The following MKNK1 variants were observed in gnomAD, a reference collection of about 807,000 sequenced individuals.
The protein encoded by MKNK1 is MAP kinase-interacting serine/threonine-protein kinase 1.
A neutral mutation model predicts 49.3 loss-of-function variants in MKNK1; 30 were observed. The ratio of observed to expected loss-of-function variants is 0.61; its 90% CI spans 0.46 to 0.83. The LOEUF (loss-of-function observed/expected upper bound fraction) is 0.83. Among genes scored for constraint, MKNK1 ranks in the 40% least tolerant of loss-of-function variants. MKNK1 has a pLI of 0.00. For synonymous variants in MKNK1, 176 were observed against 201.7 expected, an observed-to-expected ratio of 0.87 and a Z score of 1.08; for missense variants, 423 against 524.7, an observed-to-expected ratio of 0.81 and a Z score of 1.89.
intron 2 of MKNK1, among the ~76,000 whole-genome samples, chr1:46,591,219 C>T (rs1393481609): frequency 3.3e-5 from 5 of 152,160 alleles, no homozygotes; most frequent in African/African-American, 1.2e-4. Context: ...CTGTCCATAG[C>T]GATACTGCAA....
At position 46,589,235 on chromosome 1, in the gene MKNK1, A is replaced by C. The variant is rs920124624; in HGVS notation, c.-3+4878T>G. The stretch of plus-strand genomic sequence containing the variant: ...GACAGGGAGGTACCAGGTGCTGTGG[A>C]GCAGGAGAGAGGAAGCTAACCCAGT... On this transcript the variant is annotated intron_variant, in intron 2 of 12. Coordinates refer to ENST00000371945, the MANE Select transcript of MKNK1 (RefSeq NM_001135553.4). The surrounding 1 kb of genome is among the most constrained non-coding windows in gnomAD (Gnocchi z 4.3). Among the ~76,000 whole-genome samples the C allele has an allele frequency of 7.2e-5, 11 of 152,348 alleles. No individual in the cohort carries two copies. The highest frequency in any genetic ancestry group is 2.4e-4 in the African/African-American group (10 of 41,584).
intron 5 of MKNK1, 52 bp from the exon 6 acceptor site, chr1:46,575,072 T>C (rs778115446): frequency 8.5e-7 from 1 of 1,176,738 alleles, no homozygotes; most frequent in East Asian, 2.4e-5. Context: ...TGGTATTATA[T>C]ATTAAAGTCT....
chr1:46,602,411 CA>C (rs1200331338), intron 1 of MKNK1, among the ~76,000 whole-genome samples: 4 of 149,430 alleles, frequency 2.7e-5, no homozygotes, highest in Non-Finnish European at 3.0e-5. Context: ...GACTCCATCT[CA>C]AAAAAAAAGG....
chr1:46,568,616 A>T (rs1669522018), intron 7 of MKNK1, 118 bp from the exon 8 acceptor site: 1 of 995,478 alleles, frequency 1.0e-6, no homozygotes, highest in African/African-American at 1.6e-5. Context: ...ATTATGGTAC[A>T]TTAAAAAATC....
At chr1:46,596,421 T>C (rs1289316138) in intron 1 of MKNK1, among the ~76,000 whole-genome samples, 2 of 152,246 alleles carry the variant, frequency 1.3e-5, no homozygotes, top group Admixed American at 6.5e-5. Flanking sequence ...GAGTCAAATA[T>C]GGCCTGTGGG....
At chr1:46,583,044 C>T in intron 3 of MKNK1, 184 bp downstream of exon 3, 1 of 685,286 alleles carries the variant, frequency 1.5e-6, no homozygotes, top group East Asian at 2.7e-5. Context: ...CTTTTTCCAT[C>T]CCTGCTCTCT....
In MKNK1 at chr1:46,559,154, A is replaced by T. The variant is rs7530017; in HGVS notation, c.1014-354T>A. Among the ~76,000 whole-genome samples, 1,005 of 152,298 alleles carry T rather than the reference A, an allele frequency of 6.6e-3. 10 individuals are homozygous for T. The highest frequency in any genetic ancestry group is 0.023 in the African/African-American group (944 of 41,564). ...CCTCCCTCTCCCAGCCTGCGTGGGG[A>T]AAAAGCTCCCAGAGCAAGGCCTGCG... is the stretch of plus-strand genomic sequence containing the variant. On this transcript the variant is annotated intron_variant, in intron 12 of 12. Coordinates refer to ENST00000371945, the MANE Select transcript of MKNK1 (RefSeq NM_001135553.4).
In MKNK1 at chr1:46,576,570, C is replaced by T. The variant is rs2148664762; in HGVS notation, c.278+5G>A. 6.2e-7 allele frequency: 1 copy of T among 1,612,214 alleles called. No individual in the cohort carries two copies. Among genetic ancestry groups the T allele is most frequent in the Non-Finnish European group, 8.5e-7 (1 of 1,178,286 alleles). ...GAGAAGCAGCGAGAATCACATGATA[C>T]TCACTTGTTTCCCTGACACTGATAC... On this transcript the variant is annotated splice_donor_5th_base_variant and intron_variant, in intron 5 of 12. Coordinates refer to ENST00000371945, the MANE Select transcript of MKNK1 (RefSeq NM_001135553.4).
chr1:46,574,792 C>A (rs1392695589), intron 6 of MKNK1, 155 bp downstream of exon 6: 3 of 582,604 alleles, frequency 5.1e-6, no homozygotes, highest in Non-Finnish European at 6.2e-6. Flanking sequence ...ATCATCCTTC[C>A]CTCCGGCCTC....
rs1168292350 is a variant in MKNK1 at position 46,585,226 on chromosome 1, G to A, written c.-2-1897C>T. Among the ~76,000 whole-genome samples, 5 of 100,158 alleles carry A rather than the reference G, an allele frequency of 5.0e-5. No homozygotes were observed. In the South Asian group the frequency reaches 1.5e-3, roughly 31 times the overall value. The allele number at this position is 100,158 out of a possible 152,430, so 65.7% of individuals were successfully genotyped here. A position where few individuals can be genotyped will look rare whatever the true frequency, so the allele number is the denominator to read the frequency against. The stretch of plus-strand genomic sequence containing the variant: ...GATCACGCCATTGCACTCCAGCCTG[G>A]GTGACAGAGCAAGATTCCGTCTCAA... On this transcript the variant is annotated intron_variant, in intron 2 of 12. Transcript: ENST00000371945.
At chr1:46,585,245 G>C (rs559407714) in intron 2 of MKNK1, among the ~76,000 whole-genome samples, 1 of 35,964 alleles carries the variant, frequency 2.8e-5, no homozygotes, top group African/African-American at 9.1e-5. Flanking sequence ...GCAAGATTCC[G>C]TCTCAAAAAA....
At chr1:46,590,527 T>C (rs1673180276) in intron 2 of MKNK1, among the ~76,000 whole-genome samples, 1 of 152,246 alleles carries the variant, frequency 6.6e-6, no homozygotes, top group Non-Finnish European at 1.5e-5. Flanking sequence ...ACAAAGAGAT[T>C]AAATGATTTG....
rs1453833949 is a variant in MKNK1, at chr1:46,589,119, A to G, written c.-3+4994T>C. On this transcript the variant is annotated intron_variant, in intron 2 of 12. Transcript: ENST00000371945. The surrounding 1 kb of genome is among the most constrained non-coding windows in gnomAD (Gnocchi z 4.3). ...TGATCGTCTGGTGCTAGACAGTGAG[A>G]GTATAAGAGAAGACACAGTCTCTTC... 6.6e-6 allele frequency among the ~76,000 whole-genome samples: 1 copy of G among 152,250 alleles called. No homozygotes were observed. The highest frequency in any genetic ancestry group is 1.9e-4 in the East Asian group (1 of 5,204).
At chr1:46,603,349 C>T (rs563160644) in intron 1 of MKNK1, among the ~76,000 whole-genome samples, 17 of 152,290 alleles carry the variant, frequency 1.1e-4, no homozygotes, top group Admixed American at 1.0e-3. Flanking sequence ...GCTTCAAGGC[C>T]CAGGTCACAA....
intron 7 of MKNK1, chr1:46,568,780 A>G (rs974065325): frequency 8.8e-6 from 4 of 455,684 alleles, no homozygotes; most frequent in Non-Finnish European, 1.6e-5. Context: ...CACAGTGACC[A>G]CCAAGAAGAA....
intron 3 of MKNK1, chr1:46,582,732 A>G (rs951106893): frequency 7.9e-6 from 3 of 380,548 alleles, no homozygotes; most frequent in African/African-American, 6.3e-5. Flanking sequence ...GTTTCTACTG[A>G]ACACAACACG....
chr1:46,561,602 A>G lies in MKNK1; in HGVS notation c.845T>C (p.Phe282Ser). 6.2e-7 allele frequency: 1 copy of G among 1,614,134 alleles called. No homozygotes were observed. Among genetic ancestry groups the G allele is most frequent in the Non-Finnish European group, 8.5e-7 (1 of 1,179,996 alleles). Residue 282 changes from phenylalanine to serine, a missense_variant, in exon 11 of 13, where the codon TTT becomes TCT. Coordinates refer to ENST00000371945, the MANE Select transcript of MKNK1 (RefSeq NM_001135553.4). ...GATGTGTGCCCAGTCCTTGTCAGGA[A>G]ACTCATACTTGCCTTCCTGGATGCT... is the stretch of plus-strand genomic sequence containing the variant. ...FESIQEGKYE[F>S]PDKDWAHISS...
rs1461520798 is a variant in MKNK1 at position 46,571,499 on chromosome 1, C to G, written c.457+564G>C. 1.7e-5 allele frequency: 7 copies of G among 421,642 alleles called. No individual in the cohort carries two copies. The Admixed American group carries it at 1.8e-4, about 11-fold the overall frequency. The allele number at this position is 421,642 out of a possible 1,614,324, so 26.1% of individuals were successfully genotyped here. A position where few individuals can be genotyped will look rare whatever the true frequency, so the allele number is the denominator to read the frequency against. Reference sequence around the variant, plus strand: ...TTGGGGCTGCAGTGAGCCCTGATGGCGCCATAGCACTCCAGCCTAGGTGAC... The same window carrying G: ...TTGGGGCTGCAGTGAGCCCTGATGGGGCCATAGCACTCCAGCCTAGGTGAC... On this transcript the variant is annotated intron_variant, in intron 7 of 12. Coordinates refer to ENST00000371945, the MANE Select transcript of MKNK1 (RefSeq NM_001135553.4).
chr1:46,570,724 GA>G (rs1669972337), intron 7 of MKNK1, among the ~76,000 whole-genome samples: 1 of 152,234 alleles, frequency 6.6e-6, no homozygotes, highest in Non-Finnish European at 1.5e-5. Context: ...TGCTTTAAGG[GA>G]ATTAATATTA....
Sources: gnomAD v4.1 joint callset for allele counts (sites outside exome capture counted in the v4.1 genomes callset) on GRCh38, gnomAD v4.1.1 for gene constraint, Gnocchi (gnomAD v3.1) non-coding constraint, MANE v1.5 for transcripts, NCBI Gene and HGNC (gene_info 2026-07-23, HGNC 2026-07-21) for gene names.